Variants in TOX2 observed in about 807,000 individuals in gnomAD.
TOX2 encodes TOX high mobility group box family member 2, also known as granulosa cell HMG box 1.
In TOX2, 15 loss-of-function variants were observed where a neutral mutation model predicts 47.4. The ratio of observed to expected loss-of-function variants is 0.32; its 90% CI spans 0.21 to 0.49. The LOEUF is 0.49. Among genes scored for constraint, TOX2 ranks in the 20% least tolerant of loss-of-function variants. TOX2 has a pLI of 0.99. For synonymous variants in TOX2, 290 were observed against 296.6 expected (o/e 0.98, Z 0.23); for missense variants, 622 against 673.1 (o/e 0.92, Z 0.84).
At chr20:43,976,773 A>AGCGC (rs33946078) in intron 2 of TOX2, among the ~76,000 whole-genome samples, 1,844 of 139,078 alleles carry the variant, frequency 0.013, 24 homozygotes, top group Non-Finnish European at 0.019. Context: ...TCACAACGCG[A>AGCGC]GCGCGCGCGC....
At chr20:44,028,184 C>G (rs904173823) in intron 3 of TOX2, among the ~76,000 whole-genome samples, 17 of 152,174 alleles carry the variant, frequency 1.1e-4, no homozygotes, top group Admixed American at 5.9e-4. Context: ...CAGGGAAGGC[C>G]TCCTGAAGGC....
chr20:43,945,586 C>G (rs1251110945), intron 1 of TOX2: 1 of 295,528 alleles, frequency 3.4e-6, no homozygotes, highest in Admixed American at 4.4e-5. Flanking sequence ...AGTGCAACAC[C>G]CCTCCCAAGG....
chr20:43,917,019 C>A (rs1373400877), intron 1 of TOX2, among the ~76,000 whole-genome samples: 1 of 152,134 alleles, frequency 6.6e-6, no homozygotes, highest in Non-Finnish European at 1.5e-5. Flanking sequence ...GGATGTAGGA[C>A]CCCTGGCCCA....
intron 5 of TOX2, among the ~76,000 whole-genome samples, chr20:44,058,178 G>A (rs1284191825): frequency 6.6e-6 from 1 of 152,160 alleles, no homozygotes; most frequent in African/African-American, 2.4e-5. Context: ...GGAATTGTGA[G>A]TTGGCGTGCT....
rs1238077439 is a variant in TOX2 at position 44,059,241 on chromosome 20, A to C, written c.879+4715A>C. Among the ~76,000 whole-genome samples, 23 of 152,214 alleles carry C rather than the reference A, an allele frequency of 1.5e-4. 2 individuals are homozygous for C. The highest frequency in any genetic ancestry group is 1.5e-3 in the Admixed American group (23 of 15,284). On this transcript the variant is annotated intron_variant, in intron 5 of 8. Coordinates refer to ENST00000341197, the MANE Select transcript of TOX2 (RefSeq NM_001098797.2). ...AATGCAAAATACACTGGGAAGTCTC[A>C]GCAACTGAATTGAACAAGTAGAAGA...
At chr20:43,947,463 C>T (rs2069492932) in intron 1 of TOX2, among the ~76,000 whole-genome samples, 1 of 152,184 alleles carries the variant, frequency 6.6e-6, no homozygotes, top group African/African-American at 2.4e-5. Flanking sequence ...CGGCTCAGCT[C>T]ATGAGGAGGG....
At chr20:44,053,816 A>G (rs1352794361) in intron 4 of TOX2, among the ~76,000 whole-genome samples, 1 of 148,306 alleles carries the variant, frequency 6.7e-6, no homozygotes, top group Non-Finnish European at 1.5e-5. Flanking sequence ...GGATTTCACA[A>G]CTCTGTAAAA....
chr20:44,013,913 TGAG>T (rs1364428706), intron 3 of TOX2, among the ~76,000 whole-genome samples: 3 of 152,058 alleles, frequency 2.0e-5, no homozygotes, highest in African/African-American at 7.2e-5. Flanking sequence ...GCAGATCACT[TGAG>T]GTCAGGAGTT....
At chr20:43,953,491 C>G (rs2069616214) in intron 1 of TOX2, among the ~76,000 whole-genome samples, 1 of 152,206 alleles carries the variant, frequency 6.6e-6, no homozygotes, top group Non-Finnish European at 1.5e-5. Flanking sequence ...TGTATGCCCA[C>G]ACTCTCAGCC....
chr20:43,932,291 T>G (rs548205975), intron 1 of TOX2, among the ~76,000 whole-genome samples: 1 of 152,330 alleles, frequency 6.6e-6, no homozygotes, highest in South Asian at 2.1e-4. Context: ...TGTGTATATC[T>G]CTTGCCAAAT....
chr20:43,951,800 C>T (rs973204997), intron 1 of TOX2, among the ~76,000 whole-genome samples: 1 of 141,866 alleles, frequency 7.0e-6, no homozygotes, highest in Non-Finnish European at 1.5e-5. Context: ...TAGCATCAAA[C>T]TCCTGGGCTC....
At chr20:43,937,788 G>T (rs1462198206) in intron 1 of TOX2, among the ~76,000 whole-genome samples, 1 of 152,170 alleles carries the variant, frequency 6.6e-6, no homozygotes, top group African/African-American at 2.4e-5. Flanking sequence ...AGCAGCCTTT[G>T]ATGTCCCTGG....
intron 1 of TOX2, among the ~76,000 whole-genome samples, chr20:43,926,041 T>C (rs742640): frequency 0.13 from 19,593 of 152,166 alleles, 2,383 homozygotes; most frequent in African/African-American, 0.31. Flanking sequence ...ATGTGCTTAT[T>C]TCGAAGCTGG....
intron 2 of TOX2, among the ~76,000 whole-genome samples, chr20:43,991,297 A>T (rs2070363599): frequency 6.6e-6 from 1 of 152,176 alleles, no homozygotes; most frequent in Non-Finnish European, 1.5e-5. Context: ...ACCTTTGCTG[A>T]CTTCTTAGAG....
At chr20:43,921,572 C>T (rs1486063003) in intron 1 of TOX2, among the ~76,000 whole-genome samples, 1 of 152,208 alleles carries the variant, frequency 6.6e-6, no homozygotes, top group African/African-American at 2.4e-5. Context: ...AGCAGCCCAA[C>T]TGAAAGTTAA....
intron 3 of TOX2, among the ~76,000 whole-genome samples, chr20:44,018,795 G>A (rs566200818): frequency 2.2e-4 from 33 of 152,276 alleles, no homozygotes; most frequent in African/African-American, 7.2e-4. Context: ...GGACAAGCGC[G>A]CCCCATCAGA....
At chr20:44,054,225 C>G in intron 4 of TOX2, 74 bp from the exon 5 acceptor site, 4 of 1,487,712 alleles carry the variant, frequency 2.7e-6, no homozygotes, top group Non-Finnish European at 3.7e-6. Context: ...CAGCTCGGCC[C>G]AAGTCTGTGT....
intron 2 of TOX2, among the ~76,000 whole-genome samples, chr20:43,977,792 A>T (rs2070107859): frequency 6.6e-6 from 1 of 152,182 alleles, no homozygotes; most frequent in Admixed American, 6.5e-5. Flanking sequence ...AGGGGGGTAG[A>T]GGACCTGGTA....
At chr20:44,003,045 AG>A (rs2045301441) in intron 2 of TOX2, among the ~76,000 whole-genome samples, 1 of 152,162 alleles carries the variant, frequency 6.6e-6, no homozygotes, top group Non-Finnish European at 1.5e-5. Context: ...TGCAAACCCA[AG>A]CTGCCTGGCT....
Sources: gnomAD v4.1 joint callset for allele counts (sites outside exome capture counted in the v4.1 genomes callset) on GRCh38, gnomAD v4.1.1 for gene constraint, MANE v1.5 for transcripts, NCBI Gene and HGNC (gene_info 2026-07-23, HGNC 2026-07-21) for gene names.